Variants in RGS3 observed in about 807,000 individuals in gnomAD.
RGS3 encodes regulator of G protein signaling 3.
In RGS3, 80 loss-of-function variants were observed where a neutral mutation model predicts 132.6. The ratio of observed to expected loss-of-function variants is 0.60; its 90% confidence interval spans 0.50 to 0.73. The LOEUF is 0.73. RGS3 is among the 30% of genes least tolerant of loss of function. The probability of loss-of-function intolerance (pLI) is 0.00; values close to 1 mark genes in which losing one functional copy is unlikely to be tolerated. For synonymous variants in RGS3, 598 were observed against 620.6 expected, an observed-to-expected ratio of 0.96 and a Z score of 0.54; for missense variants, 1,382 against 1,530.8, an observed-to-expected ratio of 0.90 and a Z score of 1.62.
At chr9:113,583,181 G>A in intron 19 of RGS3, 1 of 549,100 alleles carries the variant, frequency 1.8e-6, no homozygotes, top group Non-Finnish European at 3.1e-6. Context: ...CAAAGCAGGA[G>A]CTAGATAGAT....
intron 16 of RGS3, among the ~76,000 whole-genome samples, chr9:113,521,888 TG>T (rs1393035919): frequency 6.6e-6 from 1 of 152,264 alleles, no homozygotes; most frequent in Non-Finnish European, 1.5e-5. Flanking sequence ...CCCTTCTGGC[TG>T]GTTCTTCTTC....
chr9:113,588,132 C>T (rs1175909461), intron 20 of RGS3, among the ~76,000 whole-genome samples: 1 of 152,230 alleles, frequency 6.6e-6, no homozygotes, highest in East Asian at 1.9e-4. Flanking sequence ...CCTTCCTCCC[C>T]TGCAGGGGAC....
At chr9:113,487,100 C>CTTTT (rs60523804) in intron 7 of RGS3, among the ~76,000 whole-genome samples, 30 of 116,956 alleles carry the variant, frequency 2.6e-4, no homozygotes, top group Admixed American at 3.6e-4. Flanking sequence ...TCATTTAATT[C>CTTTT]TTTTTTTTTT....
chr9:113,470,077 A>G (rs1829782759), intron 3 of RGS3, among the ~76,000 whole-genome samples: 1 of 151,960 alleles, frequency 6.6e-6, no homozygotes, highest in Non-Finnish European at 1.5e-5. Flanking sequence ...TGCCTGGCTA[A>G]TTTTTGTATT....
chr9:113,541,360 C>T (rs140504451), intron 19 of RGS3: 58 of 1,613,704 alleles, frequency 3.6e-5, no homozygotes, highest in African/African-American at 1.6e-4. Context: ...GAGATGGGGC[C>T]GGTCAACTCA....
rs200095525 is a variant in RGS3 at position 113,466,600 on chromosome 9, AT to A, written c.415+4408del. ...GCTAGGACCCAACTACTCTAGAGGG[AT>A]TTTTTTTTCTTTATTGTGAAAAATG... On this transcript the variant is annotated intron_variant, in intron 3 of 24. Coordinates refer to ENST00000350696, the Ensembl canonical transcript of RGS3. 1.9e-3 allele frequency among the ~76,000 whole-genome samples: 289 copies of A among 151,552 alleles called. 1 individual carries two copies. The highest frequency in any genetic ancestry group is 2.9e-3 in the Non-Finnish European group (200 of 67,838).
intron 8 of RGS3, among the ~76,000 whole-genome samples, chr9:113,496,897 A>T (rs1445449570): frequency 6.6e-6 from 1 of 152,072 alleles, no homozygotes; most frequent in African/African-American, 2.4e-5. Context: ...CCTAGAAAAG[A>T]TGTTCCCCCT....
intron 19 of RGS3, among the ~76,000 whole-genome samples, chr9:113,569,795 T>G (rs1179161584): frequency 1.3e-5 from 2 of 151,578 alleles, no homozygotes; most frequent in East Asian, 3.9e-4. Context: ...AGGCATGGGG[T>G]GGGGAGGGGG....
At chr9:113,451,492 T>G (rs747984989) in intron 1 of RGS3, among the ~76,000 whole-genome samples, 13 of 152,242 alleles carry the variant, frequency 8.5e-5, no homozygotes, top group Admixed American at 1.3e-4. Context: ...GCAATCCAGC[T>G]GATCTCAACT....
At chr9:113,571,336 A>G (rs993996334) in intron 19 of RGS3, among the ~76,000 whole-genome samples, 1 of 152,254 alleles carries the variant, frequency 6.6e-6, no homozygotes, top group African/African-American at 2.4e-5. Context: ...ATTATTTTCC[A>G]AAGTGTGACA....
chr9:113,594,530 A>T lies in RGS3; in HGVS notation c.3181A>T (p.Lys1061Ter). Reference sequence around the variant, plus strand: ...GGCAGACAAAATGATGAAGTCATTCAAGTAGGTCCTCCCTGGCACCCTGGG... The same window carrying T: ...GGCAGACAAAATGATGAAGTCATTCTAGTAGGTCCTCCCTGGCACCCTGGG... Residue 1061 changes from lysine to a stop codon, truncating the protein, a stop_gained and splice_region_variant, in exon 22 of 25, where the codon AAG becomes TAG. Coordinates refer to ENST00000350696, the Ensembl canonical transcript of RGS3. LOFTEE classifies it high-confidence loss of function. The T allele has an allele frequency of 1.9e-6, 3 of 1,612,666 alleles. No individual in the cohort carries two copies. The highest frequency in any genetic ancestry group is 1.7e-6 in the Non-Finnish European group (2 of 1,179,234).
At chr9:113,596,646 C>A in intron 24 of RGS3, 122 bp from the exon 23 acceptor site, 2 of 776,640 alleles carry the variant, frequency 2.6e-6, no homozygotes, top group Non-Finnish European at 4.0e-6. Context: ...TTCAGATGAA[C>A]CTTAAGATGT....
intron 18 of RGS3, among the ~76,000 whole-genome samples, chr9:113,533,413 T>A (rs897523722): frequency 3.9e-5 from 6 of 152,182 alleles, no homozygotes; most frequent in African/African-American, 1.2e-4. Flanking sequence ...GTGTTTTTAG[T>A]AGAGACGGGG....
At chr9:113,548,928 G>T (rs963122063) in intron 19 of RGS3, among the ~76,000 whole-genome samples, 2 of 152,184 alleles carry the variant, frequency 1.3e-5, no homozygotes, top group African/African-American at 4.8e-5. Flanking sequence ...TCCCCAGCTG[G>T]CCCACCCTGA....
chr9:113,533,594 T>G (rs1487537159), intron 18 of RGS3, among the ~76,000 whole-genome samples: 2 of 152,200 alleles, frequency 1.3e-5, no homozygotes, highest in Non-Finnish European at 2.9e-5. Flanking sequence ...GAATTCCTGC[T>G]TCAGAACAGA....
intron 19 of RGS3, among the ~76,000 whole-genome samples, chr9:113,561,586 ATTTTTTT>A (rs1181886025): frequency 7.5e-6 from 1 of 133,272 alleles, no homozygotes; most frequent in Non-Finnish European, 1.6e-5. Context: ...CTAATTTTTA[ATTTTTTT>A]TTTTTTTTTG....
At position 113,462,693 on chromosome 9, in the gene RGS3, A is replaced by G. The variant is rs116899463; in HGVS notation, c.415+492A>G. On this transcript the variant is annotated intron_variant, in intron 3 of 24. Transcript: ENST00000350696. ...CTTACCGTGAAGATTAACTGAGATGATGTGTGTAAATTGCCCAGCTCAGCT... is the reference window on the plus strand; with the variant it reads ...CTTACCGTGAAGATTAACTGAGATGGTGTGTGTAAATTGCCCAGCTCAGCT... 3.0e-3 allele frequency among the ~76,000 whole-genome samples: 460 copies of G among 152,280 alleles called. 8 individuals are homozygous for G. In the East Asian group the frequency reaches 0.055, roughly 18 times the overall value.
intron 19 of RGS3, among the ~76,000 whole-genome samples, chr9:113,542,663 C>T (rs1157148769): frequency 3.3e-5 from 5 of 152,144 alleles, no homozygotes; most frequent in Non-Finnish European, 5.9e-5. Context: ...CACCTTTTGG[C>T]CAGGCCTCGT....
intron 19 of RGS3, among the ~76,000 whole-genome samples, chr9:113,544,394 C>T (rs1833026649): frequency 6.6e-6 from 1 of 151,804 alleles, no homozygotes; most frequent in Non-Finnish European, 1.5e-5. Context: ...CTCTGCTGGC[C>T]TGGGTCTTTT....
Sources: allele counts gnomAD v4.1 joint callset (sites outside exome capture counted in the v4.1 genomes callset), GRCh38; gene constraint gnomAD v4.1.1; transcripts MANE v1.5; gene names NCBI Gene and HGNC (gene_info 2026-07-23, HGNC 2026-07-21).